KDM4C: variants seen among roughly 807,000 people sequenced by gnomAD.
KDM4C encodes the protein lysine-specific demethylase 4C.
In KDM4C, 81 loss-of-function variants were observed where a neutral mutation model predicts 129.3. The observed-to-expected ratio is 0.63, with a 90% CI of 0.52 to 0.75. The LOEUF is 0.75. Among genes scored for constraint, KDM4C ranks in the 30% least tolerant of loss-of-function variants. The pLI is 0.00. For missense variants in KDM4C, 1,457 were observed against 1,304.0 expected (o/e 1.12, Z -1.81); for synonymous variants, 573 against 456.1 (o/e 1.26, Z -3.26).
intron 4 of KDM4C, among the ~76,000 whole-genome samples, chr9:6,838,745 A>C (rs537188694): frequency 5.5e-5 from 8 of 144,592 alleles, no homozygotes; most frequent in Non-Finnish European, 1.2e-4. Flanking sequence ...TAAAATAAAG[A>C]TTTAAGGAGT....
At chr9:6,919,667 C>T (rs1290469724) in intron 8 of KDM4C, among the ~76,000 whole-genome samples, 1 of 151,744 alleles carries the variant, frequency 6.6e-6, no homozygotes, top group South Asian at 2.1e-4. Flanking sequence ...TCTCCGCCTC[C>T]CGGGTTCAAG....
intron 17 of KDM4C, among the ~76,000 whole-genome samples, chr9:7,052,283 G>A (rs818868): frequency 0.99 from 151,355 of 152,356 alleles, 75,189 homozygotes; most frequent in Middle Eastern, 1. Flanking sequence ...CTGTTCTTAT[G>A]GAAATTGAAC....
chr9:6,893,988 C>G (rs1179944759), intron 8 of KDM4C, among the ~76,000 whole-genome samples: 1 of 152,154 alleles, frequency 6.6e-6, no homozygotes, highest in Non-Finnish European at 1.5e-5. Context: ...CTAAATAAAA[C>G]TGTGTGTTTT....
intron 8 of KDM4C, among the ~76,000 whole-genome samples, chr9:6,932,363 T>G (rs1455095534): frequency 6.6e-6 from 1 of 152,194 alleles, no homozygotes; most frequent in Non-Finnish European, 1.5e-5. Context: ...CTTAGGGCCT[T>G]GAAATGGACT....
rs897880415 is a variant in KDM4C, at chr9:6,981,233, C to G, written c.1115+115C>G. ...TCTATTTATTCATCATAACTTAATA[C>G]CTTTCTGAAAATGTGAGACATTATT... On this transcript the variant is annotated intron_variant, in intron 9 of 21. Coordinates refer to ENST00000381309, the MANE Select transcript of KDM4C (RefSeq NM_015061.6). 18 of 730,790 alleles carry G rather than the reference C, an allele frequency of 2.5e-5. No individual in the cohort carries two copies. In the African/African-American group the frequency reaches 2.7e-4, roughly 11 times the overall value. The allele number at this position is 730,790 out of a possible 1,614,324, so 45.3% of individuals were successfully genotyped here.
chr9:7,072,471 A>G (rs1833340178), intron 17 of KDM4C, among the ~76,000 whole-genome samples: 1 of 152,250 alleles, frequency 6.6e-6, no homozygotes, highest in African/African-American at 2.4e-5. Flanking sequence ...GATTTCATCA[A>G]CCATGGATGA....
At chr9:7,019,189 A>G (rs1038856565) in intron 15 of KDM4C, among the ~76,000 whole-genome samples, 1 of 152,216 alleles carries the variant, frequency 6.6e-6, no homozygotes. Context: ...GAGTGTTACA[A>G]TATTAATTTT....
intron 17 of KDM4C, among the ~76,000 whole-genome samples, chr9:7,068,032 G>GT (rs1427340183): frequency 2.0e-5 from 3 of 152,062 alleles, no homozygotes; most frequent in African/African-American, 7.2e-5. Flanking sequence ...TCCTGACCTC[G>GT]TGATCCACCC....
chr9:7,140,409 C>T (rs1226764012), intron 19 of KDM4C, among the ~76,000 whole-genome samples: 3 of 152,108 alleles, frequency 2.0e-5, no homozygotes, highest in Non-Finnish European at 4.4e-5. Context: ...TAACCAGTGT[C>T]TAAGAGTAGG....
chr9:6,925,730 C>T, intron 8 of KDM4C: 1 of 641,308 alleles, frequency 1.6e-6, no homozygotes. Context: ...GCCCTCTCAG[C>T]TGACATGTGA....
intron 15 of KDM4C, among the ~76,000 whole-genome samples, chr9:7,040,631 T>A (rs905246846): frequency 1.3e-5 from 2 of 151,354 alleles, no homozygotes; most frequent in African/African-American, 4.8e-5. Flanking sequence ...CTATTTTTCC[T>A]TTTTTTTTAA....
chr9:6,944,700 A>G (rs1826606383), intron 8 of KDM4C, among the ~76,000 whole-genome samples: 1 of 125,626 alleles, frequency 8.0e-6, no homozygotes, highest in South Asian at 2.8e-4. Context: ...GGGAAACAGC[A>G]CAGCATAGGG....
intron 18 of KDM4C, among the ~76,000 whole-genome samples, chr9:7,124,783 TGG>T (rs1839865123): frequency 6.6e-6 from 1 of 152,272 alleles, no homozygotes; most frequent in South Asian, 2.1e-4. Context: ...CAGTAATCAC[TGG>T]GGAATGATTT....
intron 20 of KDM4C, among the ~76,000 whole-genome samples, chr9:7,166,649 A>G (rs1444478602): frequency 1.3e-5 from 2 of 152,266 alleles, no homozygotes; most frequent in Non-Finnish European, 2.9e-5. Flanking sequence ...GCATTACTAC[A>G]TAATGCAAAA....
At chr9:6,809,966 G>C (rs1414325043) in intron 3 of KDM4C, among the ~76,000 whole-genome samples, 1 of 151,958 alleles carries the variant, frequency 6.6e-6, no homozygotes, top group African/African-American at 2.4e-5. Context: ...CTCCAGCCTG[G>C]GTGACAGAGC....
At chr9:7,147,087 C>A (rs1052276996) in intron 19 of KDM4C, among the ~76,000 whole-genome samples, 1 of 152,178 alleles carries the variant, frequency 6.6e-6, no homozygotes, top group Non-Finnish European at 1.5e-5. Flanking sequence ...ATTCTCCCTG[C>A]AAGATTGCAT....
intron 8 of KDM4C, among the ~76,000 whole-genome samples, chr9:6,949,940 A>C (rs758538772): frequency 6.6e-6 from 1 of 152,060 alleles, no homozygotes; most frequent in Non-Finnish European, 1.5e-5. Context: ...AGATCCCTGC[A>C]TTAATTGATT....
chr9:7,029,290 A>C (rs370985912), intron 15 of KDM4C, among the ~76,000 whole-genome samples: 56 of 94,890 alleles, frequency 5.9e-4, no homozygotes, highest in African/African-American at 1.4e-3. Context: ...GTTTCCCCCC[A>C]CCGTTTTTTT....
chr9:7,145,535 G>C (rs758788360), intron 19 of KDM4C, among the ~76,000 whole-genome samples: 7 of 152,184 alleles, frequency 4.6e-5, no homozygotes, highest in Non-Finnish European at 8.8e-5. Flanking sequence ...CCCACCCACA[G>C]CCAGACATCT....
Sources: allele counts gnomAD v4.1 joint callset (sites outside exome capture counted in the v4.1 genomes callset), GRCh38; gene constraint gnomAD v4.1.1; transcripts MANE v1.5; gene names NCBI Gene and HGNC (gene_info 2026-07-23, HGNC 2026-07-21).